Variants in FSTL5 observed in about 807,000 individuals in gnomAD.
FSTL5 encodes follistatin-related protein 5.
FSTL5 carries 62 observed loss-of-function variants against 89.1 expected under a neutral mutation model. That is an observed-to-expected ratio of 0.70 (90% CI 0.57 to 0.86). The LOEUF (loss-of-function observed/expected upper bound fraction) is 0.86, where lower values mean the gene tolerates loss of function less well. FSTL5 is among the 40% of genes least tolerant of loss of function. The pLI is 0.00. For synonymous variants in FSTL5, 383 were observed against 346.2 expected (o/e 1.11, Z -1.18); for missense variants, 1,057 against 1,001.6 (o/e 1.06, Z -0.75).
intron 10 of FSTL5, among the ~76,000 whole-genome samples, chr4:161,525,909 A>G (rs1731203559): frequency 6.6e-6 from 1 of 152,168 alleles, no homozygotes; most frequent in East Asian, 1.9e-4. Flanking sequence ...TTTTCTTTAT[A>G]ATTAATGAGA....
At chr4:161,560,985 C>G (rs893094042) in intron 8 of FSTL5, among the ~76,000 whole-genome samples, 3 of 151,796 alleles carry the variant, frequency 2.0e-5, no homozygotes, top group African/African-American at 7.3e-5. Context: ...ATATGCCATA[C>G]ATTTGTATTA....
At chr4:162,071,545 T>C (rs1729623578) in intron 2 of FSTL5, among the ~76,000 whole-genome samples, 3 of 151,424 alleles carry the variant, frequency 2.0e-5, no homozygotes, top group Non-Finnish European at 4.4e-5. Flanking sequence ...ACAATAAGAG[T>C]TTAGGACTTC....
intron 4 of FSTL5, among the ~76,000 whole-genome samples, chr4:161,890,251 T>C (rs975637134): frequency 3.3e-5 from 5 of 152,226 alleles, no homozygotes; most frequent in South Asian, 4.1e-4. Flanking sequence ...TGATTAAACG[T>C]TGGGTTGATG....
rs73860711 is a variant in FSTL5 at position 161,746,487 on chromosome 4, G to A, written c.727+12924C>T. 9.4e-3 allele frequency among the ~76,000 whole-genome samples: 1,437 copies of A among 152,222 alleles called. 25 individuals carry two copies. Among genetic ancestry groups the A allele is most frequent in the African/African-American group, 0.03 (1,266 of 41,518 alleles). ...TAAGCTGTAGTGGTAATGGGTTGGG[G>A]TAAGGGGCTTGACTGTAGCATTTGA... On this transcript the variant is annotated intron_variant, in intron 6 of 15. Transcript: ENST00000306100.
chr4:162,035,626 T>A (rs1737707610), intron 2 of FSTL5, among the ~76,000 whole-genome samples: 1 of 152,050 alleles, frequency 6.6e-6, no homozygotes, highest in South Asian at 2.1e-4. Flanking sequence ...GACTTTGGTT[T>A]TTACTCTGAC....
intron 6 of FSTL5, among the ~76,000 whole-genome samples, chr4:161,680,378 C>T (rs951412762): frequency 2.0e-5 from 3 of 151,888 alleles, no homozygotes; most frequent in African/African-American, 7.2e-5. Context: ...TGCATTTCCT[C>T]ACTCCTACAA....
chr4:161,783,597 CCTTTCTTT>C lies in FSTL5; in HGVS notation c.410-7531_410-7524del, dbSNP rs5863483. 1.1e-4 allele frequency among the ~76,000 whole-genome samples: 14 copies of C among 123,182 alleles called. No individual in the cohort carries two copies. In the East Asian group the frequency reaches 1.2e-3, roughly 11 times the overall value. 80.8% of individuals were successfully genotyped at this position (123,182 alleles called of 152,430 possible). On this transcript the variant is annotated intron_variant, in intron 4 of 15. Coordinates refer to ENST00000306100, the MANE Select transcript of FSTL5 (RefSeq NM_020116.5). ...TTCTTTGCTTTCCTTGCTTTCCTTG[CCTTTCTTT>C]CTTTCTTTCTCTTTTTCTTTCTCTT...
chr4:161,604,818 T>C (rs1734380736), intron 7 of FSTL5, among the ~76,000 whole-genome samples: 1 of 152,178 alleles, frequency 6.6e-6, no homozygotes, highest in Non-Finnish European at 1.5e-5. Context: ...TGCTAGAGCC[T>C]GAGCATTGAG....
At chr4:161,400,468 C>T (rs1731147608) in intron 15 of FSTL5, among the ~76,000 whole-genome samples, 1 of 151,848 alleles carries the variant, frequency 6.6e-6, no homozygotes, top group Admixed American at 6.6e-5. Context: ...AAAGACTCAT[C>T]CATATAAAGA....
rs1737264922 is a variant in FSTL5 at position 162,025,977 on chromosome 4, C to T, written c.160+7648G>A. ...TAAGTTCTTAGGTAAGAAGGATATT[C>T]TAAAAAATCCAAGCAAATATACTCT... On this transcript the variant is annotated intron_variant, in intron 3 of 15. Transcript: ENST00000306100. Among the ~76,000 whole-genome samples, 3 of 150,684 alleles carry T rather than the reference C, an allele frequency of 2.0e-5. No individual in the cohort carries two copies. In the South Asian group the frequency reaches 6.4e-4, roughly 32 times the overall value.
At chr4:161,426,780 A>C (rs757663104) in intron 15 of FSTL5, among the ~76,000 whole-genome samples, 18 of 152,196 alleles carry the variant, frequency 1.2e-4, no homozygotes, top group Non-Finnish European at 2.5e-4. Flanking sequence ...GAGTGACTTT[A>C]AAATAATTTT....
intron 6 of FSTL5, among the ~76,000 whole-genome samples, chr4:161,713,538 A>C (rs1401211212): frequency 6.6e-6 from 1 of 152,198 alleles, no homozygotes; most frequent in Non-Finnish European, 1.5e-5. Flanking sequence ...CACAGAACAC[A>C]CTTTAACTGT....
At chr4:161,518,885 C>G (rs1352174114) in intron 10 of FSTL5, among the ~76,000 whole-genome samples, 1 of 152,110 alleles carries the variant, frequency 6.6e-6, no homozygotes, top group Non-Finnish European at 1.5e-5. Context: ...AGGTTACATT[C>G]ATCTGAAGGC....
chr4:161,549,279 T>C (rs1388012768), intron 8 of FSTL5, among the ~76,000 whole-genome samples: 1 of 151,762 alleles, frequency 6.6e-6, no homozygotes, highest in African/African-American at 2.4e-5. Flanking sequence ...TATTGTACTA[T>C]ATTTTAAGGT....
intron 3 of FSTL5, among the ~76,000 whole-genome samples, chr4:161,938,947 A>C (rs1257554604): frequency 1.3e-5 from 2 of 152,000 alleles, no homozygotes; most frequent in Non-Finnish European, 2.9e-5. Flanking sequence ...ATTAATCAAT[A>C]ATTTAAAAAT....
At chr4:161,673,715 A>G (rs1359686511) in intron 6 of FSTL5, among the ~76,000 whole-genome samples, 1 of 151,984 alleles carries the variant, frequency 6.6e-6, no homozygotes, top group Non-Finnish European at 1.5e-5. Flanking sequence ...TGAGTTTATT[A>G]TTAATTTTGT....
At chr4:161,756,533 A>T (rs985746703) in intron 6 of FSTL5, among the ~76,000 whole-genome samples, 9 of 152,082 alleles carry the variant, frequency 5.9e-5, no homozygotes, top group African/African-American at 2.2e-4. Context: ...CTGTTTTACT[A>T]TATCTTTATT....
chr4:162,086,030 T>G (rs139460736), intron 2 of FSTL5, among the ~76,000 whole-genome samples: 2 of 152,244 alleles, frequency 1.3e-5, no homozygotes, highest in East Asian at 3.9e-4. Flanking sequence ...TTGAATTTAT[T>G]GGTAGCCACA....
chr4:161,751,336 A>T (rs2126781934), intron 6 of FSTL5, among the ~76,000 whole-genome samples: 1 of 152,310 alleles, frequency 6.6e-6, no homozygotes, highest in South Asian at 2.1e-4. Flanking sequence ...GTCCTTTTTG[A>T]ATACATGTTT....
Sources: gnomAD v4.1 joint callset for allele counts (sites outside exome capture counted in the v4.1 genomes callset) on GRCh38, gnomAD v4.1.1 for gene constraint, MANE v1.5 for transcripts, NCBI Gene and HGNC (gene_info 2026-07-23, HGNC 2026-07-21) for gene names.